The following PCDH15 variants were observed in gnomAD, a reference collection of about 807,000 sequenced individuals.
PCDH15 encodes protocadherin-15.
A neutral mutation model predicts 178.5 loss-of-function variants in PCDH15; 129 were observed. The observed-to-expected ratio is 0.72, with a 90% confidence interval of 0.63 to 0.84. The LOEUF is 0.84. PCDH15 is among the 40% of genes least tolerant of loss of function. The probability of loss-of-function intolerance (pLI) is 0.00; values close to 1 mark genes in which losing one functional copy is unlikely to be tolerated. For missense variants in PCDH15, 2,230 were observed against 2,099.9 expected (o/e 1.06, Z -1.21); for synonymous variants, 800 against 732.0 (o/e 1.09, Z -1.50).
chr10:55,602,881 G>A (rs940663163), intron 2 of PCDH15, among the ~76,000 whole-genome samples: 9 of 152,316 alleles, frequency 5.9e-5, no homozygotes, highest in African/African-American at 1.9e-4. Flanking sequence ...GAACAAAGCT[G>A]GATGGAGAAT....
chr10:55,555,607 C>T (rs1320872151), intron 2 of PCDH15, among the ~76,000 whole-genome samples: 6 of 152,094 alleles, frequency 3.9e-5, no homozygotes, highest in East Asian at 3.9e-4. Context: ...TTATTTTACA[C>T]GGACTAGATT....
At chr10:54,104,311 C>G (rs2094868259) in intron 15 of PCDH15, among the ~76,000 whole-genome samples, 1 of 152,182 alleles carries the variant, frequency 6.6e-6, no homozygotes, top group Admixed American at 6.5e-5. Context: ...CCACACATCC[C>G]CATTCCAAGT....
At chr10:54,503,235 G>A (rs910250412) in intron 3 of PCDH15, among the ~76,000 whole-genome samples, 8 of 105,736 alleles carry the variant, frequency 7.6e-5, no homozygotes, top group East Asian at 2.7e-4. Context: ...ATGTGTGTGT[G>A]TGTGTGTGTG....
intron 10 of PCDH15, among the ~76,000 whole-genome samples, chr10:54,209,100 T>TAGGTTCCATCTTTTTCATTTTGAGA (rs2051132148): frequency 6.6e-6 from 1 of 152,050 alleles, no homozygotes; most frequent in Non-Finnish European, 1.5e-5. Flanking sequence ...ATTTTCACGG[T>TAGGTTCCATCTTTTTCATTTTGAGA]AGGTTCCATC....
intron 23 of PCDH15, among the ~76,000 whole-genome samples, chr10:53,941,362 T>A (rs1013419680): frequency 6.6e-6 from 1 of 152,134 alleles, no homozygotes; most frequent in African/African-American, 2.4e-5. Context: ...CAACCACTGA[T>A]CTTTGTAGTG....
intron 1 of PCDH15, among the ~76,000 whole-genome samples, chr10:55,202,101 G>A (rs1840266880): frequency 6.6e-6 from 1 of 152,058 alleles, no homozygotes; most frequent in African/African-American, 2.4e-5. Context: ...TAAGCCATTT[G>A]CTGAATTAAA....
At chr10:55,326,573 AT>A (rs1373996105) in intron 2 of PCDH15, among the ~76,000 whole-genome samples, 5 of 152,158 alleles carry the variant, frequency 3.3e-5, no homozygotes, top group African/African-American at 7.2e-5. Context: ...ATTAAAAAAA[AT>A]GAAACTGCAA....
intron 3 of PCDH15, among the ~76,000 whole-genome samples, chr10:54,823,221 A>ACG (rs1554802972): frequency 4.0e-5 from 6 of 151,424 alleles, no homozygotes; most frequent in African/African-American, 4.8e-5. Flanking sequence ...ACACACACAC[A>ACG]CACACGCACA....
intron 2 of PCDH15, among the ~76,000 whole-genome samples, chr10:55,608,204 T>G (rs1843276530): frequency 6.8e-6 from 1 of 146,158 alleles, no homozygotes. Context: ...CTATAATTTG[T>G]AAAACAATAT....
At chr10:54,308,033 T>C (rs1053778563) in intron 8 of PCDH15, among the ~76,000 whole-genome samples, 5 of 152,076 alleles carry the variant, frequency 3.3e-5, no homozygotes, top group African/African-American at 1.2e-4. Context: ...AGCTATTACC[T>C]TCATTTTGTG....
intron 2 of PCDH15, among the ~76,000 whole-genome samples, chr10:54,622,244 G>A (rs2093375379): frequency 6.6e-6 from 1 of 151,544 alleles, no homozygotes; most frequent in African/African-American, 2.4e-5. Flanking sequence ...ATCTACCGGA[G>A]GAAATTTATG....
intron 2 of PCDH15, among the ~76,000 whole-genome samples, chr10:55,365,350 CCTT>C (rs1252538998): frequency 6.6e-6 from 1 of 152,124 alleles, no homozygotes; most frequent in Admixed American, 6.5e-5. Context: ...TGGACACTGT[CCTT>C]CTCCTTTCCC....
chr10:54,211,285 G>C (rs1042508954), intron 10 of PCDH15, among the ~76,000 whole-genome samples: 2 of 152,020 alleles, frequency 1.3e-5, no homozygotes, highest in Non-Finnish European at 2.9e-5. Context: ...CAAAGACAAT[G>C]GACATAAACA....
At chr10:55,211,771 A>G (rs969952375) in intron 1 of PCDH15, among the ~76,000 whole-genome samples, 17 of 152,170 alleles carry the variant, frequency 1.1e-4, no homozygotes, top group Non-Finnish European at 2.9e-5. Context: ...GAAAGTTACT[A>G]TAATGAGTTA....
intron 2 of PCDH15, among the ~76,000 whole-genome samples, chr10:54,586,653 C>A (rs780537901): frequency 1.3e-5 from 2 of 152,158 alleles, no homozygotes; most frequent in African/African-American, 2.4e-5. Context: ...TTTACAGGTA[C>A]TCCTCAATTT....
chr10:54,366,625 G>A (rs575652196), intron 5 of PCDH15, among the ~76,000 whole-genome samples: 1 of 151,210 alleles, frequency 6.6e-6, no homozygotes, highest in Admixed American at 6.6e-5. Context: ...CTAAGTACTA[G>A]TACTATGGAA....
At chr10:54,725,143 A>C (rs1199139724) in intron 1 of PCDH15, among the ~76,000 whole-genome samples, 1 of 151,526 alleles carries the variant, frequency 6.6e-6, no homozygotes, top group Non-Finnish European at 1.5e-5. Flanking sequence ...TGGGTTCATG[A>C]GCCATTCTGA....
chr10:54,669,777 G>T (rs553703571), intron 1 of PCDH15, among the ~76,000 whole-genome samples: 34 of 151,104 alleles, frequency 2.3e-4, no homozygotes, highest in African/African-American at 8.3e-4. Flanking sequence ...ATTTGGCCAG[G>T]CGCGGTGGAT....
chr10:55,587,814 T>C (rs1842756498), intron 2 of PCDH15, among the ~76,000 whole-genome samples: 1 of 152,218 alleles, frequency 6.6e-6, no homozygotes. Context: ...GTTTGTTAGC[T>C]TTCAAGTTCC....
Sources: gnomAD v4.1 joint callset for allele counts (sites outside exome capture counted in the v4.1 genomes callset) on GRCh38, gnomAD v4.1.1 for gene constraint, MANE v1.5 for transcripts, NCBI Gene and HGNC (gene_info 2026-07-23, HGNC 2026-07-21) for gene names.